IFTAP: variants seen among roughly 807,000 people sequenced by gnomAD.
The protein encoded by IFTAP is intraflagellar transport-associated protein.
Under a neutral mutation model 19.4 loss-of-function variants are expected in IFTAP, and 19 were observed. That is an observed-to-expected ratio of 0.98 (90% CI 0.68 to 1.44). The LOEUF (loss-of-function observed/expected upper bound fraction) is 1.44, where lower values mean the gene tolerates loss of function less well. IFTAP is among the 40% of genes most tolerant of loss of function. IFTAP has a pLI of 0.00. For synonymous variants in IFTAP, 85 were observed against 83.5 expected, an observed-to-expected ratio of 1.02 and a Z score of -0.10; for missense variants, 240 against 253.6, an observed-to-expected ratio of 0.95 and a Z score of 0.36.
At chr11:36,617,493 T>C (rs1039171425) in intron 2 of IFTAP, among the ~76,000 whole-genome samples, 1 of 151,922 alleles carries the variant, frequency 6.6e-6, no homozygotes, top group Non-Finnish European at 1.5e-5. Flanking sequence ...AAAATTTTTA[T>C]ATTCTCAAGG....
chr11:36,645,729 G>C (rs1435994320), intron 4 of IFTAP, among the ~76,000 whole-genome samples: 1 of 151,972 alleles, frequency 6.6e-6, no homozygotes, highest in African/African-American at 2.4e-5. Context: ...TTTAGAGTTA[G>C]AGCCATTCAA....
At chr11:36,615,786 A>T (rs554964926) in intron 2 of IFTAP, among the ~76,000 whole-genome samples, 1 of 150,314 alleles carries the variant, frequency 6.7e-6, no homozygotes, top group African/African-American at 2.5e-5. Context: ...GACTTTGCTG[A>T]AGTTGCTTAT....
At chr11:36,655,031 T>G (rs977984935) in intron 5 of IFTAP, among the ~76,000 whole-genome samples, 8 of 152,170 alleles carry the variant, frequency 5.3e-5, no homozygotes, top group African/African-American at 1.9e-4. Context: ...AATAAAAATT[T>G]AATGGATGAA....
chr11:36,602,831 TA>T (rs67981769), intron 1 of IFTAP, among the ~76,000 whole-genome samples: 28,046 of 148,340 alleles, frequency 0.19, 3,544 homozygotes, highest in East Asian at 0.59. Flanking sequence ...TCTAAATGAT[TA>T]AAAAAAAAAC....
chr11:36,626,401 C>T (rs1242590713), intron 2 of IFTAP, among the ~76,000 whole-genome samples: 1 of 151,226 alleles, frequency 6.6e-6, no homozygotes, highest in Non-Finnish European at 1.5e-5. Context: ...AAGCAGAGGC[C>T]ATGTCATATA....
chr11:36,650,133 A>G (rs1215935119), intron 5 of IFTAP, among the ~76,000 whole-genome samples: 1 of 152,170 alleles, frequency 6.6e-6, no homozygotes, highest in African/African-American at 2.4e-5. Flanking sequence ...GATAACATTC[A>G]TCTTAAAGCA....
In IFTAP at chr11:36,648,023, G is replaced by T. The variant is rs749345795; in HGVS notation, c.366G>T (p.Leu122=). 1.2e-6 allele frequency: 2 copies of T among 1,612,650 alleles called. No homozygotes were observed. The highest frequency in any genetic ancestry group is 1.7e-6 in the Non-Finnish European group (2 of 1,179,212). ...ATGTTTTGTATCCAACAGATTTGCT[G>T]CTGCTTCCAGGAGAAGTGGAGCAGG... ...EIKPQMSEDL[L]LLPGEVEQDV... Residue 122 remains leucine (L), a synonymous_variant, in exon 5 of 6, where the codon CTG becomes CTT. Transcript: ENST00000334307.
intron 2 of IFTAP, among the ~76,000 whole-genome samples, chr11:36,629,545 C>T (rs1852649550): frequency 6.6e-6 from 1 of 151,392 alleles, no homozygotes; most frequent in South Asian, 2.1e-4. Flanking sequence ...ATTGCATGGG[C>T]ACTAGTCTGG....
At chr11:36,603,737 C>T (rs549362461) in intron 1 of IFTAP, among the ~76,000 whole-genome samples, 4 of 152,198 alleles carry the variant, frequency 2.6e-5, no homozygotes, top group Admixed American at 1.3e-4. Context: ...GCCTGGCCAA[C>T]ATGGTGAAAC....
At chr11:36,618,857 G>A (rs1452880899) in intron 2 of IFTAP, among the ~76,000 whole-genome samples, 3 of 152,054 alleles carry the variant, frequency 2.0e-5, no homozygotes, top group Non-Finnish European at 2.9e-5. Context: ...GAGTCAGGGA[G>A]ACTAGCTGAG....
intron 4 of IFTAP, among the ~76,000 whole-genome samples, 184 bp from the exon 5 acceptor site, chr11:36,647,832 G>C (rs1853549594): frequency 6.6e-6 from 1 of 152,084 alleles, no homozygotes; most frequent in South Asian, 2.1e-4. Context: ...TGCACTAATG[G>C]CTTCTATTAT....
chr11:36,652,020 G>A (rs1228938342), intron 5 of IFTAP, among the ~76,000 whole-genome samples: 1 of 152,170 alleles, frequency 6.6e-6, no homozygotes, highest in Admixed American at 6.5e-5. Context: ...GCTTAGGATT[G>A]TCTTGGCAAT....
At chr11:36,649,258 A>G (rs952232406) in intron 5 of IFTAP, among the ~76,000 whole-genome samples, 14 of 152,192 alleles carry the variant, frequency 9.2e-5, no homozygotes, top group South Asian at 4.1e-4. Flanking sequence ...ACTTTTGTTC[A>G]CTGACATCAT....
At chr11:36,654,060 T>G (rs374950349) in intron 5 of IFTAP, among the ~76,000 whole-genome samples, 6 of 152,156 alleles carry the variant, frequency 3.9e-5, no homozygotes, top group African/African-American at 1.4e-4. Context: ...CCTCTTTGGT[T>G]ACTGTCTGTT....
At chr11:36,633,237 C>T (rs372799625) in intron 2 of IFTAP, 47 bp from the exon 3 acceptor site, 1 of 1,384,720 alleles carries the variant, frequency 7.2e-7, no homozygotes, top group Non-Finnish European at 9.4e-7. Flanking sequence ...ATAAACCAGA[C>T]TTGGTATTGT....
intron 4 of IFTAP, among the ~76,000 whole-genome samples, chr11:36,639,449 G>A (rs935841175): frequency 6.6e-6 from 1 of 152,042 alleles, no homozygotes; most frequent in African/African-American, 2.4e-5. Context: ...CATTTATGTT[G>A]CTGTAAAAGA....
At chr11:36,653,910 T>C (rs1469703271) in intron 5 of IFTAP, among the ~76,000 whole-genome samples, 2 of 152,194 alleles carry the variant, frequency 1.3e-5, no homozygotes, top group African/African-American at 2.4e-5. Flanking sequence ...GATTTTCTGG[T>C]ATACAGTAAC....
At position 36,637,651 on chromosome 11, in the gene IFTAP, C is replaced by T. The variant is rs61432856; in HGVS notation, c.358+1534C>T. On this transcript the variant is annotated intron_variant, in intron 4 of 5. Transcript: ENST00000334307. ...GGCATCTGGTGATCTGCATTTTAAC[C>T]GACACCCCCAATGATTCTAATATAA... Among the ~76,000 whole-genome samples the T allele has an allele frequency of 1.9e-3, 286 of 151,896 alleles. 5 individuals are homozygous for T. Among genetic ancestry groups the T allele is most frequent in the South Asian group, 1.2e-3 (6 of 4,806 alleles).
At chr11:36,602,752 C>T (rs968751700) in intron 1 of IFTAP, among the ~76,000 whole-genome samples, 15 of 151,672 alleles carry the variant, frequency 9.9e-5, no homozygotes, top group African/African-American at 3.2e-4. Context: ...GTCTAGAGGT[C>T]AGTTAGCGTG....
Sources: gnomAD v4.1 joint callset for allele counts (sites outside exome capture counted in the v4.1 genomes callset) on GRCh38, gnomAD v4.1.1 for gene constraint, MANE v1.5 for transcripts, NCBI Gene and HGNC (gene_info 2026-07-23, HGNC 2026-07-21) for gene names.